Variants in NXPH1 observed in about 807,000 individuals in gnomAD.
NXPH1 encodes the protein neurexophilin-1.
NXPH1 carries 5 observed loss-of-function variants against 23.7 expected under a neutral mutation model. The ratio of observed to expected loss-of-function variants is 0.21; its 90% CI spans 0.11 to 0.44. NXPH1 has a LOEUF of 0.44. Among genes scored for constraint, NXPH1 ranks in the 20% least tolerant of loss-of-function variants. NXPH1 has a pLI of 0.99. For synonymous variants in NXPH1, 144 were observed against 122.2 expected (o/e 1.18, Z -1.18); for missense variants, 324 against 321.6 (o/e 1.01, Z -0.06).
At chr7:8,471,044 G>T (rs949742966) in intron 2 of NXPH1, among the ~76,000 whole-genome samples, 1 of 152,056 alleles carries the variant, frequency 6.6e-6, no homozygotes, top group Non-Finnish European at 1.5e-5. Flanking sequence ...GGGTGATTGG[G>T]GTAGTGGGCA....
intron 2 of NXPH1, among the ~76,000 whole-genome samples, chr7:8,456,954 TAGATTGTC>T (rs1309021932): frequency 6.6e-6 from 1 of 152,160 alleles, no homozygotes; most frequent in Non-Finnish European, 1.5e-5. Context: ...CTATCCTTCT[TAGATTGTC>T]AAAATGGTGG....
rs1048149292 is a variant in NXPH1, at chr7:8,752,867, C to T, written c.*1098C>T. On this transcript the variant is annotated 3_prime_UTR_variant, in exon 3 of 3. Transcript: ENST00000405863. ...AGATCAAGTATTGTTGAAAGCTATA[C>T]ATATACAACATTACAGTCTGTCTGT... The T allele has an allele frequency of 2.0e-5, 3 of 152,438 alleles. No homozygotes were observed. Among genetic ancestry groups the T allele is most frequent in the Non-Finnish European group, 4.4e-5 (3 of 67,998 alleles). 9.4% of individuals were successfully genotyped at this position (152,438 alleles called of 1,614,324 possible).
intron 2 of NXPH1, among the ~76,000 whole-genome samples, chr7:8,692,101 G>C (rs538014652): frequency 6.6e-6 from 1 of 151,956 alleles, no homozygotes; most frequent in East Asian, 1.9e-4. Flanking sequence ...GGAGTGAGCA[G>C]AGAGGAGAGT....
chr7:8,700,537 G>T (rs929475980), intron 2 of NXPH1, among the ~76,000 whole-genome samples: 1 of 152,118 alleles, frequency 6.6e-6, no homozygotes, highest in African/African-American at 2.4e-5. Flanking sequence ...GTCTGGGTTT[G>T]ATAATATAAA....
rs1376868557 is a variant in NXPH1 at position 8,710,640 on chromosome 7, G to GGTTTTTTTTTTTT, written c.55-40368_55-40367insGTTTTTTTTTTTT. On this transcript the variant is annotated intron_variant, in intron 2 of 2. Transcript: ENST00000405863. ...TTGAACAAAGCATGTCAACTGTTAC[G>GGTTTTTTTTTTTT]TTTTTTGTTTTTTTTTTTTTTTTTT... Among the ~76,000 whole-genome samples the GGTTTTTTTTTTTT allele has an allele frequency of 2.9e-4, 8 of 27,672 alleles. 3 individuals are homozygous for GGTTTTTTTTTTTT. The highest frequency in any genetic ancestry group is 9.5e-4 in the Admixed American group (2 of 2,116). The allele number at this position is 27,672 out of a possible 152,430, so 18.2% of individuals were successfully genotyped here.
chr7:8,667,166 GT>G (rs76182306), intron 2 of NXPH1, among the ~76,000 whole-genome samples: 4 of 151,002 alleles, frequency 2.6e-5, no homozygotes, highest in Non-Finnish European at 5.9e-5. Context: ...TATTGCAGCT[GT>G]TTTTTTAAAT....
intron 2 of NXPH1, among the ~76,000 whole-genome samples, chr7:8,672,269 T>A (rs189359164): frequency 3.4e-4 from 51 of 152,146 alleles, no homozygotes; most frequent in African/African-American, 1.2e-3. Context: ...TAGATGGGAA[T>A]TGAACAATGA....
intron 2 of NXPH1, among the ~76,000 whole-genome samples, chr7:8,564,700 C>T (rs1419528000): frequency 6.6e-6 from 1 of 151,814 alleles, no homozygotes; most frequent in Non-Finnish European, 1.5e-5. Context: ...GGATGCTTTT[C>T]TTTTATTCCA....
intron 2 of NXPH1, among the ~76,000 whole-genome samples, chr7:8,580,555 T>C (rs1818846215): frequency 6.6e-6 from 1 of 152,084 alleles, no homozygotes; most frequent in South Asian, 2.1e-4. Flanking sequence ...GCTGAACATA[T>C]TTTCCTTTTA....
chr7:8,533,166 A>T (rs1025195215), intron 2 of NXPH1, among the ~76,000 whole-genome samples: 1 of 152,164 alleles, frequency 6.6e-6, no homozygotes, highest in Non-Finnish European at 1.5e-5. Context: ...CCAAGTTTGT[A>T]TGACTTCAAA....
Position 8,434,213 on chromosome 7 carries a change from C to G in NXPH1, c.-653C>G, listed in dbSNP as rs1382116602. On this transcript the variant is annotated 5_prime_UTR_variant, in exon 1 of 3. Transcript: ENST00000405863. The surrounding 1 kb of genome is among the most constrained non-coding windows in gnomAD (Gnocchi z 7.6). ...CCCTCCCTCAGAAACTCGGACTGCT[C>G]TCGTCTGCCGTGTGGTTCTCTTTTC... 6.5e-6 allele frequency: 1 copy of G among 153,266 alleles called. No homozygotes were observed. The highest frequency in any genetic ancestry group is 1.9e-4 in the East Asian group (1 of 5,184). 9.5% of individuals were successfully genotyped at this position (153,266 alleles called of 1,614,324 possible). A position where few individuals can be genotyped will look rare whatever the true frequency, so the allele number is the denominator to read the frequency against.
intron 2 of NXPH1, among the ~76,000 whole-genome samples, chr7:8,535,382 C>T (rs1469269693): frequency 6.6e-6 from 1 of 151,976 alleles, no homozygotes; most frequent in Non-Finnish European, 1.5e-5. Context: ...CCAATTTAAG[C>T]CCTTGATGAT....
intron 2 of NXPH1, among the ~76,000 whole-genome samples, chr7:8,600,318 A>T (rs376750152): frequency 6.6e-6 from 1 of 152,114 alleles, no homozygotes; most frequent in African/African-American, 2.4e-5. Context: ...CAATCAGGAG[A>T]TTTTGCAAGG....
rs1300885094 is a variant in NXPH1, at chr7:8,463,782, GT to G, written c.54+28018del. Among the ~76,000 whole-genome samples, 4 of 152,004 alleles carry G rather than the reference GT, an allele frequency of 2.6e-5. No homozygotes were observed. In the East Asian group the frequency reaches 7.7e-4, roughly 29 times the overall value. On this transcript the variant is annotated intron_variant, in intron 2 of 2. Coordinates refer to ENST00000405863, the MANE Select transcript of NXPH1 (RefSeq NM_152745.3). Reference sequence around the variant, plus strand: ...TAGTCACTTAAGCTTTCTAAGTTTAGTTTCCTTATCTGTAAAATGAAGGTTT... The same window carrying G: ...TAGTCACTTAAGCTTTCTAAGTTTAGTTCCTTATCTGTAAAATGAAGGTTT...
At chr7:8,450,358 A>T (rs972375891) in intron 2 of NXPH1, among the ~76,000 whole-genome samples, 1 of 152,260 alleles carries the variant, frequency 6.6e-6, no homozygotes, top group Non-Finnish European at 1.5e-5. Context: ...ACAATTATAC[A>T]AACTATGAAA....
Position 8,732,694 on chromosome 7 carries a change from C to T in NXPH1, c.55-18314C>T, listed in dbSNP as rs28481658. Reference sequence around the variant, plus strand: ...TACTCAGGGGTCCTTAGATGAGATACGCCTTATAACTTTTAAAAAAATGTA... The same window carrying T: ...TACTCAGGGGTCCTTAGATGAGATATGCCTTATAACTTTTAAAAAAATGTA... On this transcript the variant is annotated intron_variant, in intron 2 of 2. Coordinates refer to ENST00000405863, the MANE Select transcript of NXPH1 (RefSeq NM_152745.3). 6.9e-3 allele frequency among the ~76,000 whole-genome samples: 1,046 copies of T among 152,018 alleles called. 13 individuals carry two copies. Among genetic ancestry groups the T allele is most frequent in the African/African-American group, 0.024 (987 of 41,458 alleles).
intron 2 of NXPH1, among the ~76,000 whole-genome samples, chr7:8,670,340 C>G (rs10242227): frequency 0.018 from 2,802 of 152,224 alleles, 94 homozygotes; most frequent in African/African-American, 0.063. Flanking sequence ...AAGTTCTATC[C>G]CTTTTTTCTT....
At chr7:8,465,816 G>A (rs1352157919) in intron 2 of NXPH1, among the ~76,000 whole-genome samples, 1 of 152,206 alleles carries the variant, frequency 6.6e-6, no homozygotes, top group South Asian at 2.1e-4. Flanking sequence ...CTCTCATGGG[G>A]ATTACAGTAG....
chr7:8,542,735 AC>A (rs1445380768), intron 2 of NXPH1, among the ~76,000 whole-genome samples: 3 of 151,560 alleles, frequency 2.0e-5, no homozygotes, highest in Non-Finnish European at 4.4e-5. Flanking sequence ...GATTTTAGGG[AC>A]AAAAACCTAT....
Sources: gnomAD v4.1 joint callset for allele counts (sites outside exome capture counted in the v4.1 genomes callset) on GRCh38, gnomAD v4.1.1 for gene constraint, Gnocchi (gnomAD v3.1) non-coding constraint, MANE v1.5 for transcripts, NCBI Gene and HGNC (gene_info 2026-07-23, HGNC 2026-07-21) for gene names.